The following TGM5 variants were observed in gnomAD, a reference collection of about 807,000 sequenced individuals.
The protein encoded by TGM5 is transglutaminase 5, also known as protein-glutamine gamma-glutamyltransferase 5.
A neutral mutation model predicts 77.2 loss-of-function variants in TGM5; 69 were observed. The ratio of observed to expected loss-of-function variants is 0.89; its 90% confidence interval spans 0.74 to 1.09. The LOEUF (loss-of-function observed/expected upper bound fraction) is 1.09. TGM5 is among the 50% of genes least tolerant of loss of function. The pLI is 0.00. For missense variants in TGM5, 842 were observed against 896.5 expected (o/e 0.94, Z 0.78); for synonymous variants, 346 against 351.8 (o/e 0.98, Z 0.18).
At chr15:43,238,672 G>T in intron 9 of TGM5, 145 bp downstream of exon 9, 1 of 1,293,336 alleles carries the variant, frequency 7.7e-7, no homozygotes, top group Non-Finnish European at 1.1e-6. Flanking sequence ...GAGGCTGTGA[G>T]GCCACCCCAA....
intron 10 of TGM5, 69 bp from the exon 11 acceptor site, chr15:43,234,998 G>C (rs1039687645): frequency 3.5e-5 from 55 of 1,574,942 alleles, no homozygotes; most frequent in Non-Finnish European, 4.8e-5. Flanking sequence ...TTGGACCTGG[G>C]TCTCTCTTCC....
chr15:43,266,829 G>A lies in TGM5; in HGVS notation c.10+11C>T, dbSNP rs113296343. ...TCCCTGAACTCCAGTGGCCACAGGG[G>A]CTTTCCCTACCTTGGGCCATGGTAG... On this transcript the variant is annotated intron_variant, in intron 1 of 12. Coordinates refer to ENST00000220420, the MANE Select transcript of TGM5 (RefSeq NM_201631.4). 5.8e-3 allele frequency: 9,425 copies of A among 1,614,020 alleles called. 360 individuals are homozygous for A. In the African/African-American group the frequency reaches 0.092, roughly 16 times the overall value.
At position 43,235,489 on chromosome 15, in the gene TGM5, A is replaced by G; in HGVS notation, c.1694T>C (p.Ile565Thr). ...CGTACCTTCTTTAGGAGAGAGTGTGATGAACGCTGTGTCCTGCCAGAATGG... is the reference window on the plus strand; with the variant it reads ...CGTACCTTCTTTAGGAGAGAGTGTGGTGAACGCTGTGTCCTGCCAGAATGG... Reference protein sequence around the residue: ...LSPFWQDTAFITLSPKEAKTY... With the variant: ...LSPFWQDTAFTTLSPKEAKTY... Residue 565 changes from isoleucine to threonine, a missense_variant, in exon 10 of 13, where the codon ATC (isoleucine) becomes ACC (threonine). Around this residue, in one of 2 missense-constraint regions of TGM5, gnomAD observed 815 missense variants for 844.6 expected, o/e 0.96. Coordinates refer to ENST00000220420, the MANE Select transcript of TGM5 (RefSeq NM_201631.4). 6.2e-7 allele frequency: 1 copy of G among 1,614,120 alleles called. No individual in the cohort carries two copies. The highest frequency in any genetic ancestry group is 1.1e-5 in the South Asian group (1 of 91,074).
intron 9 of TGM5, among the ~76,000 whole-genome samples, chr15:43,237,641 G>A (rs1410531105): frequency 6.6e-6 from 1 of 151,320 alleles, no homozygotes; most frequent in Non-Finnish European, 1.5e-5. Flanking sequence ...CTCAAATTCT[G>A]AGGCTAAAGT....
At chr15:43,262,210 T>C (rs2042794674) in intron 1 of TGM5, among the ~76,000 whole-genome samples, 1 of 152,212 alleles carries the variant, frequency 6.6e-6, no homozygotes, top group Non-Finnish European at 1.5e-5. Context: ...AGCTATACAC[T>C]TACCTGAATC....
rs1248851399 is a variant in TGM5 at position 43,261,084 on chromosome 15, T to G, written c.11-505A>C. ...CCTTTTTTTGTGTGTGTGTTTTTTT[T>G]TTTTTTTTTTTTTTTTTTTTTTTGA... On this transcript the variant is annotated intron_variant, in intron 1 of 12. Coordinates refer to ENST00000220420, the MANE Select transcript of TGM5 (RefSeq NM_201631.4). Among the ~76,000 whole-genome samples the G allele has an allele frequency of 2.8e-4, 27 of 95,238 alleles. 3 individuals carry two copies. The highest frequency in any genetic ancestry group is 8.0e-4 in the African/African-American group (20 of 24,946). The allele number at this position is 95,238 out of a possible 152,430, so 62.5% of individuals were successfully genotyped here. A position where few individuals can be genotyped will look rare whatever the true frequency, so the allele number is the denominator to read the frequency against.
intron 1 of TGM5, among the ~76,000 whole-genome samples, chr15:43,264,216 A>G (rs2042810267): frequency 6.6e-6 from 1 of 152,172 alleles, no homozygotes; most frequent in African/African-American, 2.4e-5. Flanking sequence ...ACTTTGGAAA[A>G]CAGTCTGGAA....
At chr15:43,261,068 G>GTTTT (rs1566837407) in intron 1 of TGM5, among the ~76,000 whole-genome samples, 13 of 33,530 alleles carry the variant, frequency 3.9e-4, no homozygotes, top group Admixed American at 8.3e-4. Flanking sequence ...TCCTTTTTTT[G>GTTTT]TGTGTGTGTT....
Position 43,232,867 on chromosome 15 carries a change from A to G in TGM5, c.*324T>C. 1 of 353,490 alleles carries G rather than the reference A, an allele frequency of 2.8e-6. No individual in the cohort carries two copies. The highest frequency in any genetic ancestry group is 5.4e-6 in the Non-Finnish European group (1 of 185,920). The allele number at this position is 353,490 out of a possible 1,614,324, so 21.9% of individuals were successfully genotyped here. On this transcript the variant is annotated 3_prime_UTR_variant, in exon 13 of 13. Coordinates refer to ENST00000220420, the MANE Select transcript of TGM5 (RefSeq NM_201631.4). ...AGCTGTGCAAATGGTCCAGGGAAAT[A>G]TCCATCCATAGACATTTCCTACCTG... is the stretch of plus-strand genomic sequence containing the variant.
At chr15:43,239,725 C>G (rs2042619928) in intron 7 of TGM5, 1 of 200,468 alleles carries the variant, frequency 5.0e-6, no homozygotes, top group South Asian at 8.1e-5. Context: ...CTCTCTTTGC[C>G]TCCCAGAAAA....
At chr15:43,240,472 TATTGATCTG>T (rs150819845) in intron 7 of TGM5, among the ~76,000 whole-genome samples, 5,483 of 152,156 alleles carry the variant, frequency 0.036, 329 homozygotes, top group African/African-American at 0.12. Flanking sequence ...CCTTTTCTCC[TATTGATCTG>T]ATTTTGTGAG....
At chr15:43,241,639 C>T (rs1374861334) in intron 6 of TGM5, among the ~76,000 whole-genome samples, 2 of 152,068 alleles carry the variant, frequency 1.3e-5, no homozygotes, top group South Asian at 2.1e-4. Flanking sequence ...AGCCAACTTC[C>T]TTTCTTTATC....
Position 43,238,931 on chromosome 15 carries a change from C to T in TGM5, c.1231G>A (p.Gly411Arg). Reference protein sequence around the residue: ...ADCMSWLVQGGKEQKLHQDTS... With the variant: ...ADCMSWLVQGRKEQKLHQDTS... ...TCCTGGTGAAGCTTCTGCTCCTTCC[C>T]TCCCTGGACGAGCCAGGACATGCAG... is the stretch of plus-strand genomic sequence containing the variant. The change falls in exon 9 of 13, where the codon GGG (glycine) becomes AGG (arginine). Residue 411 changes from glycine to arginine, a missense_variant. Around this residue, in one of 2 missense-constraint regions of TGM5, gnomAD observed 815 missense variants for 844.6 expected, o/e 0.96. Transcript: ENST00000220420. 3.7e-6 allele frequency: 6 copies of T among 1,614,220 alleles called. No individual in the cohort carries two copies. Among genetic ancestry groups the T allele is most frequent in the Non-Finnish European group, 5.1e-6 (6 of 1,180,048 alleles).
In TGM5 at chr15:43,233,012, T is replaced by G; in HGVS notation, c.*179A>C. ...AAACAAAGCAAAGTCTTTGCCCTCATGGAGCTTAAATTTCTAGTGGAGTCA... is the reference window on the plus strand; with the variant it reads ...AAACAAAGCAAAGTCTTTGCCCTCAGGGAGCTTAAATTTCTAGTGGAGTCA... On this transcript the variant is annotated 3_prime_UTR_variant, in exon 13 of 13. Coordinates refer to ENST00000220420, the MANE Select transcript of TGM5 (RefSeq NM_201631.4). 6.6e-6 allele frequency: 5 copies of G among 753,946 alleles called. No individual in the cohort carries two copies. Among genetic ancestry groups the G allele is most frequent in the Non-Finnish European group, 1.1e-5 (5 of 471,156 alleles). 46.7% of individuals were successfully genotyped at this position (753,946 alleles called of 1,614,324 possible).
chr15:43,261,067 TGTG>T (rs1263826963), intron 1 of TGM5, among the ~76,000 whole-genome samples: 7,162 of 58,360 alleles, frequency 0.12, 529 homozygotes, highest in East Asian at 0.22. Flanking sequence ...TTCCTTTTTT[TGTG>T]TGTGTGTTTT....
chr15:43,248,483 T>G (rs541112576), intron 6 of TGM5, among the ~76,000 whole-genome samples: 1 of 152,284 alleles, frequency 6.6e-6, no homozygotes, highest in East Asian at 1.9e-4. Context: ...AAACAACTTT[T>G]GAATAAGACC....
At position 43,262,056 on chromosome 15, in the gene TGM5, A is replaced by G. The variant is rs147437288; in HGVS notation, c.11-1477T>C. Among the ~76,000 whole-genome samples the G allele has an allele frequency of 2.1e-3, 315 of 152,228 alleles. 3 individuals are homozygous for G. Among genetic ancestry groups the G allele is most frequent in the African/African-American group, 7.5e-3 (311 of 41,530 alleles). ...CTGTCCTCTAGCCAATCTATCCCCA[A>G]GCAAATCCCTGTTTTTGTATTTGCT... is the stretch of plus-strand genomic sequence containing the variant. On this transcript the variant is annotated intron_variant, in intron 1 of 12. Coordinates refer to ENST00000220420, the MANE Select transcript of TGM5 (RefSeq NM_201631.4).
At chr15:43,236,987 AAG>A (rs1410543445) in intron 9 of TGM5, among the ~76,000 whole-genome samples, 1 of 151,288 alleles carries the variant, frequency 6.6e-6, no homozygotes, top group Non-Finnish European at 1.5e-5. Context: ...AAAAAAAAAA[AAG>A]AGTGGGCCCA....
intron 8 of TGM5, 21 bp downstream of exon 8, chr15:43,239,142 C>T (rs778149453): frequency 3.1e-6 from 5 of 1,613,970 alleles, no homozygotes; most frequent in Non-Finnish European, 4.2e-6. Flanking sequence ...CGGGGCCTGC[C>T]TTTCTTCTGG....
Sources: allele counts gnomAD v4.1 joint callset (sites outside exome capture counted in the v4.1 genomes callset), GRCh38; gene constraint gnomAD v4.1.1; regional missense constraint gnomAD v4.1.1; transcripts MANE v1.5; gene names NCBI Gene and HGNC (gene_info 2026-07-23, HGNC 2026-07-21).